ABLIM1: variants seen among roughly 807,000 people sequenced by gnomAD.
The protein encoded by ABLIM1 is actin-binding LIM protein 1.
A neutral mutation model predicts 107.0 loss-of-function variants in ABLIM1; 40 were observed. The ratio of observed to expected loss-of-function variants is 0.37; its 90% CI spans 0.29 to 0.49. The LOEUF (loss-of-function observed/expected upper bound fraction) is 0.49. ABLIM1 is among the 20% of genes least tolerant of loss of function. The pLI is 0.97. For synonymous variants in ABLIM1, 357 were observed against 357.3 expected, an observed-to-expected ratio of 1.00 and a Z score of 0.01; for missense variants, 857 against 1,008.5, an observed-to-expected ratio of 0.85 and a Z score of 2.04.
chr10:114,746,549 G>T (rs945136227), intron 1 of ABLIM1, among the ~76,000 whole-genome samples: 2 of 152,182 alleles, frequency 1.3e-5, no homozygotes, highest in East Asian at 3.8e-4. Context: ...ATGATCATGG[G>T]AGTGAGGCTA....
At chr10:114,495,340 A>G (rs1442799337) in intron 6 of ABLIM1, among the ~76,000 whole-genome samples, 1 of 152,140 alleles carries the variant, frequency 6.6e-6, no homozygotes. Flanking sequence ...TGGGCAGATC[A>G]CAAGCTCTTG....
intron 6 of ABLIM1, among the ~76,000 whole-genome samples, chr10:114,514,522 G>C (rs1482803150): frequency 1.3e-5 from 2 of 151,900 alleles, no homozygotes; most frequent in African/African-American, 4.8e-5. Flanking sequence ...ACAGATGCAT[G>C]TGCCACCATA....
intron 12 of ABLIM1, chr10:114,463,183 G>A (rs1166007363): frequency 8.0e-7 from 1 of 1,253,400 alleles, no homozygotes; most frequent in African/African-American, 1.5e-5. Context: ...CAAGGAGTCA[G>A]GGGCAGGGCA....
intron 6 of ABLIM1, among the ~76,000 whole-genome samples, chr10:114,519,627 T>C (rs1036308178): frequency 6.6e-6 from 1 of 152,188 alleles, no homozygotes; most frequent in Non-Finnish European, 1.5e-5. Flanking sequence ...TAAGAAGTTG[T>C]ATTAAAAGGG....
intron 1 of ABLIM1, among the ~76,000 whole-genome samples, chr10:114,709,122 G>A (rs2081488382): frequency 6.6e-6 from 1 of 152,134 alleles, no homozygotes; most frequent in African/African-American, 2.4e-5. Context: ...GCAAATTGTG[G>A]AAATGATTTC....
chr10:114,648,484 A>G (rs2079098285), intron 1 of ABLIM1, among the ~76,000 whole-genome samples: 1 of 152,220 alleles, frequency 6.6e-6, no homozygotes, highest in African/African-American at 2.4e-5. Flanking sequence ...AGGAAAACCC[A>G]CAAACACCTA....
At chr10:114,623,627 G>T (rs1015275703) in intron 1 of ABLIM1, among the ~76,000 whole-genome samples, 5 of 152,186 alleles carry the variant, frequency 3.3e-5, no homozygotes, top group Admixed American at 6.5e-5. Context: ...CCTGAATCAA[G>T]AACATCAACA....
intron 12 of ABLIM1, among the ~76,000 whole-genome samples, chr10:114,462,233 C>A (rs1464200200): frequency 6.6e-6 from 1 of 152,174 alleles, no homozygotes; most frequent in Non-Finnish European, 1.5e-5. Context: ...CCTGTGATAA[C>A]ATCTGTGCTT....
At chr10:114,624,841 T>C (rs912657582) in intron 1 of ABLIM1, among the ~76,000 whole-genome samples, 67 of 151,992 alleles carry the variant, frequency 4.4e-4, no homozygotes, top group African/African-American at 1.5e-3. Flanking sequence ...CAGACAGTAC[T>C]TCTGGAGTGA....
chr10:114,440,799 C>T, intron 19 of ABLIM1: 2 of 658,788 alleles, frequency 3.0e-6, no homozygotes, highest in Non-Finnish European at 5.6e-6. Context: ...ATAGTATGAG[C>T]AATGAATAAA....
chr10:114,560,826 G>T (rs1005638926), intron 4 of ABLIM1, among the ~76,000 whole-genome samples: 1 of 152,158 alleles, frequency 6.6e-6, no homozygotes, highest in Non-Finnish European at 1.5e-5. Context: ...TCCAGAATAG[G>T]TAAGTCCATA....
intron 1 of ABLIM1, among the ~76,000 whole-genome samples, chr10:114,711,878 G>T (rs911552810): frequency 6.6e-6 from 1 of 152,052 alleles, no homozygotes; most frequent in African/African-American, 2.4e-5. Flanking sequence ...AGTGCCCCCC[G>T]CACCAACTGG....
chr10:114,780,903 G>T, the ABLIM1 span, among the ~76,000 whole-genome samples: 1 of 152,108 alleles, frequency 6.6e-6, no homozygotes, highest in Non-Finnish European at 1.5e-5. Flanking sequence ...GTCCTTAAGG[G>T]AGACCAAGAG....
At position 114,571,337 on chromosome 10, in the gene ABLIM1, C is replaced by A; in HGVS notation, c.633G>T (p.Gln211His). 1 of 1,614,220 alleles carries A rather than the reference C, an allele frequency of 6.2e-7. No homozygotes were observed. The highest frequency in any genetic ancestry group is 8.5e-7 in the Non-Finnish European group (1 of 1,180,044). Residue 211 changes from glutamine to histidine, a missense_variant, in exon 4 of 23, where the codon CAG becomes CAT. Around this residue, in one of 5 missense-constraint regions of ABLIM1, gnomAD observed 381 missense variants for 506.9 expected, o/e 0.75. Transcript: ENST00000533213. ...GRDCLCQLCAQPMSSSPKETT... is the reference protein window; with the variant it reads ...GRDCLCQLCAHPMSSSPKETT... ...TTTCTTTCGGACTGGACGACATCGG[C>A]TGTGCACAGAGTTGACAAAGGCAGT...
intron 8 of ABLIM1, among the ~76,000 whole-genome samples, chr10:114,482,533 T>G (rs2057524296): frequency 6.6e-6 from 1 of 152,198 alleles, no homozygotes; most frequent in African/African-American, 2.4e-5. Context: ...GAGAACTGCA[T>G]TGCTTTGGAG....
intron 4 of ABLIM1, among the ~76,000 whole-genome samples, chr10:114,550,364 T>C (rs1345225491): frequency 2.3e-5 from 3 of 127,810 alleles, no homozygotes; most frequent in African/African-American, 9.7e-5. Context: ...AGTATGGATG[T>C]AAGAAAACTG....
chr10:114,447,209 T>C lies in ABLIM1; in HGVS notation c.1735+671A>G, dbSNP rs763306164. ...CCGAGTAGGTTCACTACTGATAATA[T>C]AGTAAAGACACAGACATAATTGGAA... On this transcript the variant is annotated intron_variant, in intron 15 of 22. Coordinates refer to ENST00000533213, the MANE Select transcript of ABLIM1 (RefSeq NM_002313.7). Among the ~76,000 whole-genome samples, 7 of 152,236 alleles carry C rather than the reference T, an allele frequency of 4.6e-5. No homozygotes were observed. In the South Asian group the frequency reaches 8.3e-4, roughly 18 times the overall value.
intron 6 of ABLIM1, among the ~76,000 whole-genome samples, chr10:114,539,719 G>T (rs1056417904): frequency 1.3e-5 from 2 of 152,188 alleles, no homozygotes; most frequent in Non-Finnish European, 2.9e-5. Flanking sequence ...TGGAAAGGAT[G>T]TCTGCTGGAG....
intron 1 of ABLIM1, among the ~76,000 whole-genome samples, chr10:114,727,266 A>C (rs901399938): frequency 2.6e-5 from 4 of 152,374 alleles, no homozygotes; most frequent in African/African-American, 9.6e-5. Context: ...TATTCTTAAT[A>C]GTTAACAAGA....
Sources: allele counts gnomAD v4.1 joint callset (sites outside exome capture counted in the v4.1 genomes callset), GRCh38; gene constraint gnomAD v4.1.1; regional missense constraint gnomAD v4.1.1; transcripts MANE v1.5; gene names NCBI Gene and HGNC (gene_info 2026-07-23, HGNC 2026-07-21).